The following ASTN1 variants were observed in gnomAD, a reference collection of about 807,000 sequenced individuals.
The protein encoded by ASTN1 is astrotactin-1.
A neutral mutation model predicts 140.7 loss-of-function variants in ASTN1; 41 were observed. That is an observed-to-expected ratio of 0.29 (90% CI 0.23 to 0.38). ASTN1 has a LOEUF of 0.38. Ranked by LOEUF, ASTN1 falls within the 10% of genes least tolerant of loss-of-function variation. The pLI, the probability that ASTN1 is intolerant of heterozygous loss-of-function variation, is 1.00. For missense variants in ASTN1, 1,479 were observed against 1,678.8 expected, an observed-to-expected ratio of 0.88 and a Z score of 2.08; for synonymous variants, 640 against 652.2, an observed-to-expected ratio of 0.98 and a Z score of 0.29.
intron 9 of ASTN1, among the ~76,000 whole-genome samples, chr1:176,962,966 GGA>G (rs1336376106): frequency 1.6e-4 from 24 of 152,294 alleles, no homozygotes; most frequent in African/African-American, 5.1e-4. Flanking sequence ...TGAGTTTGGT[GGA>G]GACTTGATTT....
chr1:176,886,619 T>C (rs1669041893), intron 18 of ASTN1, among the ~76,000 whole-genome samples: 1 of 152,214 alleles, frequency 6.6e-6, no homozygotes, highest in African/African-American at 2.4e-5. Context: ...AGACAGACTG[T>C]GGACAAGAGA....
chr1:176,968,452 G>A (rs1672981330), intron 8 of ASTN1, among the ~76,000 whole-genome samples: 1 of 152,134 alleles, frequency 6.6e-6, no homozygotes, highest in African/African-American at 2.4e-5. Context: ...GTATGGAAAG[G>A]CCAAAGCCCC....
chr1:177,091,495 C>T (rs945050275), intron 1 of ASTN1, among the ~76,000 whole-genome samples: 2 of 152,152 alleles, frequency 1.3e-5, no homozygotes, highest in African/African-American at 4.8e-5. Flanking sequence ...TGCAAATACT[C>T]CCTTTGCTAG....
chr1:176,994,810 T>C (rs962220894), intron 8 of ASTN1, among the ~76,000 whole-genome samples: 2 of 152,216 alleles, frequency 1.3e-5, no homozygotes, highest in Non-Finnish European at 2.9e-5. Flanking sequence ...TACTAGATGC[T>C]TTGAACAGTG....
At chr1:177,079,889 C>G (rs540553283) in intron 1 of ASTN1, among the ~76,000 whole-genome samples, 4 of 152,106 alleles carry the variant, frequency 2.6e-5, no homozygotes, top group Non-Finnish European at 5.9e-5. Flanking sequence ...GTTATTGCCT[C>G]TCAAAATTCA....
chr1:176,876,746 C>G, intron 20 of ASTN1, 109 bp from the exon 21 acceptor site: 1 of 1,038,702 alleles, frequency 9.6e-7, no homozygotes, highest in Admixed American at 2.3e-5. Flanking sequence ...GCTATGGACC[C>G]AGATACTCTC....
At chr1:176,897,317 G>GC (rs1197864565) in intron 16 of ASTN1, among the ~76,000 whole-genome samples, 9 of 146,736 alleles carry the variant, frequency 6.1e-5, no homozygotes, top group Middle Eastern at 3.6e-3. Context: ...TAAAATCCCG[G>GC]CCCCCCCACC....
chr1:176,927,300 T>G (rs1224905917), intron 16 of ASTN1, among the ~76,000 whole-genome samples: 1 of 152,062 alleles, frequency 6.6e-6, no homozygotes, highest in Non-Finnish European at 1.5e-5. Context: ...CTTATTACAA[T>G]TTGTCCACCC....
intron 8 of ASTN1, among the ~76,000 whole-genome samples, chr1:176,980,598 G>T (rs1257716734): frequency 6.6e-6 from 1 of 152,086 alleles, no homozygotes. Context: ...GATCTAGGTT[G>T]AGTGGGGAGG....
chr1:176,986,716 T>C (rs1673924491), intron 8 of ASTN1, among the ~76,000 whole-genome samples: 1 of 152,182 alleles, frequency 6.6e-6, no homozygotes, highest in Non-Finnish European at 1.5e-5. Context: ...AAATCTTCTC[T>C]CTGTGTCTCA....
chr1:177,102,766 T>C (rs1036103103), intron 1 of ASTN1, among the ~76,000 whole-genome samples: 3 of 152,208 alleles, frequency 2.0e-5, no homozygotes, highest in Non-Finnish European at 4.4e-5. Flanking sequence ...AAAGGTTAGG[T>C]ATCCACCTTC....
intron 1 of ASTN1, among the ~76,000 whole-genome samples, chr1:177,138,682 C>T (rs1454335980): frequency 1.3e-5 from 2 of 152,150 alleles, no homozygotes; most frequent in East Asian, 3.9e-4. Context: ...AGTTTGTTTG[C>T]ACCAAGCTGA....
intron 7 of ASTN1, 94 bp downstream of exon 7, chr1:177,023,310 G>A (rs1036354539): frequency 2.6e-5 from 37 of 1,438,512 alleles, no homozygotes; most frequent in Non-Finnish European, 3.1e-5. Context: ...GCAGTGGGAC[G>A]GGGAGTTGGG....
chr1:177,033,172 C>T (rs1676536716), intron 2 of ASTN1, among the ~76,000 whole-genome samples: 1 of 144,746 alleles, frequency 6.9e-6, no homozygotes, highest in Non-Finnish European at 1.5e-5. Context: ...ATTTCAGCTG[C>T]AAAAACAGGG....
intron 8 of ASTN1, chr1:176,981,652 G>A (rs1673626173): frequency 6.6e-6 from 1 of 152,526 alleles, no homozygotes; most frequent in Admixed American, 6.5e-5. Flanking sequence ...TATTGAGGGA[G>A]TAGAGCAATC....
chr1:177,042,028 G>T (rs1243082463), intron 2 of ASTN1, among the ~76,000 whole-genome samples: 1 of 152,228 alleles, frequency 6.6e-6, no homozygotes, highest in Non-Finnish European at 1.5e-5. Context: ...AGGGGAAAGA[G>T]GGTCAAGATG....
At chr1:176,932,149 G>T (rs1471688775) in intron 16 of ASTN1, among the ~76,000 whole-genome samples, 1 of 152,142 alleles carries the variant, frequency 6.6e-6, no homozygotes, top group Non-Finnish European at 1.5e-5. Context: ...TCTAGTCATA[G>T]GTACAGAAAT....
intron 8 of ASTN1, among the ~76,000 whole-genome samples, chr1:177,012,999 G>A (rs1675368392): frequency 6.6e-6 from 1 of 152,112 alleles, no homozygotes; most frequent in African/African-American, 2.4e-5. Context: ...CAGAAACTAT[G>A]CAAACATTTC....
At chr1:176,869,268 T>A (rs1370111671) in intron 21 of ASTN1, among the ~76,000 whole-genome samples, 1 of 152,142 alleles carries the variant, frequency 6.6e-6, no homozygotes, top group Non-Finnish European at 1.5e-5. Context: ...GTGAGTATGC[T>A]GTTACAGAAA....
Sources: gnomAD v4.1 joint callset for allele counts (sites outside exome capture counted in the v4.1 genomes callset) on GRCh38, gnomAD v4.1.1 for gene constraint, MANE v1.5 for transcripts, NCBI Gene and HGNC (gene_info 2026-07-23, HGNC 2026-07-21) for gene names.